Variants in ADARB2 observed in about 807,000 individuals in gnomAD.
The protein encoded by ADARB2 is inactive double-stranded RNA-specific editase B2.
In ADARB2, 25 loss-of-function variants were observed where a neutral mutation model predicts 62.2. That is an observed-to-expected ratio of 0.40 (90% confidence interval 0.29 to 0.56). The LOEUF (loss-of-function observed/expected upper bound fraction) is 0.56, where lower values mean the gene tolerates loss of function less well. Ranked by LOEUF, ADARB2 falls within the 20% of genes least tolerant of loss-of-function variation. The pLI is 0.43. For synonymous variants in ADARB2, 572 were observed against 500.8 expected, an observed-to-expected ratio of 1.14 and a Z score of -1.90; for missense variants, 1,071 against 1,077.4, an observed-to-expected ratio of 0.99 and a Z score of 0.08.
chr10:1,492,695 C>A (rs1227851849), intron 1 of ADARB2, among the ~76,000 whole-genome samples: 1 of 152,038 alleles, frequency 6.6e-6, no homozygotes, highest in Non-Finnish European at 1.5e-5. Context: ...GGCAGGGATG[C>A]AAGTCAGGGA....
intron 1 of ADARB2, among the ~76,000 whole-genome samples, chr10:1,473,712 C>T (rs1004945328): frequency 6.6e-6 from 1 of 152,296 alleles, no homozygotes; most frequent in East Asian, 1.9e-4. Context: ...GTCACTCTGT[C>T]CCCAGAGCCA....
intron 1 of ADARB2, among the ~76,000 whole-genome samples, chr10:1,652,217 C>T (rs1834119339): frequency 6.6e-6 from 1 of 152,188 alleles, no homozygotes; most frequent in South Asian, 2.1e-4. Flanking sequence ...ACAGCCCTGG[C>T]CAGTGACAGC....
chr10:1,566,782 C>A (rs960463739), intron 1 of ADARB2, among the ~76,000 whole-genome samples: 2 of 152,084 alleles, frequency 1.3e-5, no homozygotes, highest in Admixed American at 6.5e-5. Context: ...ACGATTTTAA[C>A]TGCAAAATTC....
chr10:1,192,620 A>G (rs2131737949), intron 8 of ADARB2, among the ~76,000 whole-genome samples: 1 of 152,362 alleles, frequency 6.6e-6, no homozygotes, highest in Non-Finnish European at 1.5e-5. Context: ...CTGAGGATGG[A>G]CAGCTGGTTC....
chr10:1,515,950 G>A (rs10466253), intron 1 of ADARB2, among the ~76,000 whole-genome samples: 3,193 of 152,322 alleles, frequency 0.021, 107 homozygotes, highest in African/African-American at 0.07. Context: ...TCAACATGGA[G>A]TGTGCAGTGC....
At chr10:1,364,679 G>C (rs1372127680) in intron 2 of ADARB2, among the ~76,000 whole-genome samples, 1 of 152,112 alleles carries the variant, frequency 6.6e-6, no homozygotes, top group Non-Finnish European at 1.5e-5. Context: ...TTTGCATAGC[G>C]TTTACACTGT....
intron 3 of ADARB2, among the ~76,000 whole-genome samples, chr10:1,338,437 T>C (rs957275841): frequency 2.6e-5 from 4 of 152,342 alleles, no homozygotes; most frequent in African/African-American, 4.8e-5. Context: ...CCCTATCATA[T>C]AAAATTCTCA....
chr10:1,511,260 A>C (rs1244053782), intron 1 of ADARB2, among the ~76,000 whole-genome samples: 1 of 152,222 alleles, frequency 6.6e-6, no homozygotes, highest in South Asian at 2.1e-4. Flanking sequence ...TGTTCAACGG[A>C]TAGATTATGT....
At chr10:1,673,179 AC>A in intron 1 of ADARB2, among the ~76,000 whole-genome samples, 1 of 152,252 alleles carries the variant, frequency 6.6e-6, no homozygotes, top group Non-Finnish European at 1.5e-5. Context: ...CATTGGGAAG[AC>A]TTCCAACTCA....
intron 1 of ADARB2, among the ~76,000 whole-genome samples, chr10:1,457,912 C>T (rs923019227): frequency 1.3e-4 from 19 of 146,706 alleles, no homozygotes; most frequent in African/African-American, 3.8e-4. Context: ...TTGGCCTTTT[C>T]CTGCACCCCT....
intron 3 of ADARB2, among the ~76,000 whole-genome samples, chr10:1,337,418 G>A (rs951644941): frequency 1.3e-5 from 2 of 152,206 alleles, no homozygotes; most frequent in Non-Finnish European, 2.9e-5. Context: ...CAGCTTTTCA[G>A]AGTGGTTGGT....
At chr10:1,359,932 C>CT (rs1380566400) in intron 3 of ADARB2, among the ~76,000 whole-genome samples, 1 of 152,244 alleles carries the variant, frequency 6.6e-6, no homozygotes, top group African/African-American at 2.4e-5. Context: ...ACATTGGAAA[C>CT]TTTTTTCATT....
In ADARB2 at chr10:1,479,869, G is replaced by A. The variant is rs543636659; in HGVS notation, c.101-100709C>T. Among the ~76,000 whole-genome samples the A allele has an allele frequency of 7.2e-5, 11 of 152,260 alleles. No homozygotes were observed. The East Asian group carries it at 2.1e-3, about 29-fold the overall frequency. The stretch of plus-strand genomic sequence containing the variant: ...TCAATATCAAGACAAAACATCGAAG[G>A]ACTCCGTGCTTAAGCCAGGTTCTTT... On this transcript the variant is annotated intron_variant, in intron 1 of 9. Transcript: ENST00000381312.
chr10:1,570,395 C>T (rs1825005210), intron 1 of ADARB2, among the ~76,000 whole-genome samples: 1 of 152,126 alleles, frequency 6.6e-6, no homozygotes, highest in East Asian at 1.9e-4. Flanking sequence ...AGCACCTGCA[C>T]CTGCGAGGTG....
chr10:1,240,326 G>GTCT lies in ADARB2; in HGVS notation c.1361+1804_1361+1805insAGA, dbSNP rs1830903052. On this transcript the variant is annotated intron_variant, in intron 5 of 9. Coordinates refer to ENST00000381312, the MANE Select transcript of ADARB2 (RefSeq NM_018702.4). The stretch of plus-strand genomic sequence containing the variant: ...TCCCTCCCGGTGTTTACTCCCCTCT[G>GTCT]CCTCCCGGTGTTTACTCCCTGTGTC... 2.4e-5 allele frequency: 3 copies of GTCT among 126,184 alleles called. 1 individual carries two copies. The highest frequency in any genetic ancestry group is 2.6e-4 in the East Asian group (1 of 3,918). The allele number at this position is 126,184 out of a possible 1,614,324, so 7.8% of individuals were successfully genotyped here.
intron 4 of ADARB2, among the ~76,000 whole-genome samples, chr10:1,245,273 T>C (rs1830973424): frequency 6.6e-6 from 1 of 152,206 alleles, no homozygotes; most frequent in Admixed American, 6.5e-5. Context: ...TGTGCTTGAG[T>C]ACCACACATT....
chr10:1,529,690 C>T (rs371817885), intron 1 of ADARB2, among the ~76,000 whole-genome samples: 5 of 152,328 alleles, frequency 3.3e-5, no homozygotes, highest in Non-Finnish European at 5.9e-5. Flanking sequence ...GTAGCTTCCA[C>T]GGGAGGGGGA....
At chr10:1,430,465 AC>A (rs1830767305) in intron 1 of ADARB2, among the ~76,000 whole-genome samples, 1 of 152,206 alleles carries the variant, frequency 6.6e-6, no homozygotes, top group Non-Finnish European at 1.5e-5. Context: ...TTTTTAAAAA[AC>A]CCACAAAAAC....
chr10:1,692,541 A>T (rs1442115184), intron 1 of ADARB2, among the ~76,000 whole-genome samples: 1 of 152,218 alleles, frequency 6.6e-6, no homozygotes, highest in African/African-American at 2.4e-5. Context: ...AAAGGCTGGC[A>T]GACTACGGAG....
Sources: allele counts gnomAD v4.1 joint callset (sites outside exome capture counted in the v4.1 genomes callset), GRCh38; gene constraint gnomAD v4.1.1; transcripts MANE v1.5; gene names NCBI Gene and HGNC (gene_info 2026-07-23, HGNC 2026-07-21).